The following NALF1 variants were observed in gnomAD, a reference collection of about 807,000 sequenced individuals.
The protein encoded by NALF1 is NALCN channel auxiliary factor 1.
A neutral mutation model predicts 48.4 loss-of-function variants in NALF1; 3 were observed. That is an observed-to-expected ratio of 0.06 (90% CI 0.03 to 0.16). NALF1 has a LOEUF of 0.16. Ranked by LOEUF, NALF1 falls within the 10% of genes least tolerant of loss-of-function variation. The probability of loss-of-function intolerance (pLI) is 1.00; values close to 1 mark genes in which losing one functional copy is unlikely to be tolerated. For missense variants in NALF1, 526 were observed against 571.5 expected (o/e 0.92, Z 0.81); for synonymous variants, 262 against 245.7 (o/e 1.07, Z -0.62).
intron 1 of NALF1, among the ~76,000 whole-genome samples, chr13:107,439,436 G>A (rs1884520578): frequency 6.6e-6 from 1 of 152,194 alleles, no homozygotes; most frequent in African/African-American, 2.4e-5. Flanking sequence ...CTCTGGTTCT[G>A]CTGTTGTGGA....
chr13:107,372,995 T>C (rs1883272944), intron 1 of NALF1, among the ~76,000 whole-genome samples: 1 of 152,172 alleles, frequency 6.6e-6, no homozygotes, highest in Non-Finnish European at 1.5e-5. Context: ...TCTCTGAACC[T>C]TTCTTTCTCT....
intron 1 of NALF1, among the ~76,000 whole-genome samples, chr13:107,239,477 A>G (rs552398425): frequency 6.6e-6 from 1 of 152,152 alleles, no homozygotes; most frequent in Non-Finnish European, 1.5e-5. Context: ...GCCCATCCTA[A>G]AGACATCATT....
rs1460688907 is a variant in NALF1, at chr13:107,605,529, T to C, written c.915+260153A>G. Among the ~76,000 whole-genome samples, 3 of 152,200 alleles carry C rather than the reference T, an allele frequency of 2.0e-5. No homozygotes were observed. In the East Asian group the frequency reaches 5.8e-4, roughly 29 times the overall value. ...TGTTTTTATTATTTCTATTATCTATTAGTTTTTGTTATGGGTATCACTTAT... is the reference window on the plus strand; with the variant it reads ...TGTTTTTATTATTTCTATTATCTATCAGTTTTTGTTATGGGTATCACTTAT... On this transcript the variant is annotated intron_variant, in intron 1 of 2. Transcript: ENST00000375915.
chr13:107,630,735 C>T (rs757235945), intron 1 of NALF1, among the ~76,000 whole-genome samples: 15 of 121,912 alleles, frequency 1.2e-4, no homozygotes, highest in African/African-American at 2.1e-4. Flanking sequence ...TTCTGAAATA[C>T]GGTTTGTAAA....
chr13:107,691,475 G>C (rs1881568236), intron 1 of NALF1, among the ~76,000 whole-genome samples: 1 of 152,170 alleles, frequency 6.6e-6, no homozygotes, highest in African/African-American at 2.4e-5. Flanking sequence ...CACGCCCTTT[G>C]CCTTTGAGAT....
At chr13:107,510,612 T>C (rs773492215) in intron 1 of NALF1, among the ~76,000 whole-genome samples, 4 of 152,192 alleles carry the variant, frequency 2.6e-5, no homozygotes, top group Non-Finnish European at 4.4e-5. Context: ...GCCCAGTGTA[T>C]TGATATCAAA....
intron 1 of NALF1, among the ~76,000 whole-genome samples, chr13:107,535,882 T>C (rs996521633): frequency 1.2e-4 from 18 of 152,214 alleles, no homozygotes; most frequent in African/African-American, 3.4e-4. Flanking sequence ...AACAGAGATA[T>C]AGACCAATGG....
At chr13:107,468,024 G>A (rs1739576448) in intron 1 of NALF1, among the ~76,000 whole-genome samples, 1 of 150,310 alleles carries the variant, frequency 6.7e-6, no homozygotes, top group Non-Finnish European at 1.5e-5. Context: ...CTCCAGCCTG[G>A]GCGACAGAGC....
intron 1 of NALF1, among the ~76,000 whole-genome samples, chr13:107,521,155 G>A (rs932834541): frequency 6.6e-6 from 1 of 152,152 alleles, no homozygotes; most frequent in African/African-American, 2.4e-5. Context: ...ACTGCGATGT[G>A]ATACTGGCTC....
chr13:107,195,422 G>A (rs1008261264), intron 2 of NALF1, among the ~76,000 whole-genome samples: 1 of 152,138 alleles, frequency 6.6e-6, no homozygotes, highest in African/African-American at 2.4e-5. Flanking sequence ...CTTCACCATG[G>A]ATTTCATTCT....
chr13:107,205,682 T>C (rs1879625651), intron 2 of NALF1, among the ~76,000 whole-genome samples: 1 of 152,226 alleles, frequency 6.6e-6, no homozygotes, highest in Non-Finnish European at 1.5e-5. Context: ...TTATCTCCAT[T>C]GTCAGTAACC....
intron 1 of NALF1, among the ~76,000 whole-genome samples, chr13:107,366,531 T>C (rs1883154394): frequency 2.0e-5 from 3 of 152,348 alleles, no homozygotes; most frequent in South Asian, 2.1e-4. Flanking sequence ...GAGCTTCTTA[T>C]GATAGCCATC....
chr13:107,334,353 T>G (rs1882519245), intron 1 of NALF1, among the ~76,000 whole-genome samples: 1 of 152,230 alleles, frequency 6.6e-6, no homozygotes, highest in Non-Finnish European at 1.5e-5. Context: ...GGACCAAGGC[T>G]GAGGCCCAGC....
intron 1 of NALF1, among the ~76,000 whole-genome samples, chr13:107,731,318 T>C (rs1014960495): frequency 2.6e-5 from 4 of 152,324 alleles, no homozygotes; most frequent in Non-Finnish European, 4.4e-5. Context: ...GTAGCTTTTA[T>C]ATATATGTTC....
intron 1 of NALF1, among the ~76,000 whole-genome samples, chr13:107,425,288 T>C (rs1035327362): frequency 1.3e-5 from 2 of 152,276 alleles, no homozygotes. Context: ...ACTAAGTGCG[T>C]TTCTAAAGAG....
intron 1 of NALF1, among the ~76,000 whole-genome samples, chr13:107,222,837 C>CTGAATGAA (rs902127855): frequency 6.6e-6 from 1 of 152,116 alleles, no homozygotes; most frequent in Non-Finnish European, 1.5e-5. Flanking sequence ...CCATTAGTGC[C>CTGAATGAA]TGAATGAATG....
chr13:107,273,598 G>A (rs1236580989), intron 1 of NALF1, among the ~76,000 whole-genome samples: 1 of 152,182 alleles, frequency 6.6e-6, no homozygotes, highest in Middle Eastern at 3.2e-3. Flanking sequence ...TAGAAGAGCT[G>A]CTCAGAACAT....
At chr13:107,339,149 A>C (rs1312045754) in intron 1 of NALF1, among the ~76,000 whole-genome samples, 1 of 152,022 alleles carries the variant, frequency 6.6e-6, no homozygotes, top group East Asian at 1.9e-4. Context: ...AAAAAAAAAA[A>C]AAAAAAAAGT....
chr13:107,614,185 C>T (rs1373673654), intron 1 of NALF1, among the ~76,000 whole-genome samples: 3 of 152,140 alleles, frequency 2.0e-5, no homozygotes, highest in Admixed American at 6.5e-5. Flanking sequence ...TCTCATATCA[C>T]AGCAAGATCA....
Sources: allele counts gnomAD v4.1 joint callset (sites outside exome capture counted in the v4.1 genomes callset), GRCh38; gene constraint gnomAD v4.1.1; transcripts MANE v1.5; gene names NCBI Gene and HGNC (gene_info 2026-07-23, HGNC 2026-07-21).